The following AAK1 variants were observed in gnomAD, a reference collection of about 807,000 sequenced individuals.
AAK1 encodes AP2 associated kinase 1, also known as AP2-associated protein kinase 1.
AAK1 carries 37 observed loss-of-function variants against 116.0 expected under a neutral mutation model. The ratio of observed to expected loss-of-function variants is 0.32; its 90% CI spans 0.25 to 0.42. The LOEUF is 0.42. AAK1 is among the 10% of genes least tolerant of loss of function. The pLI is 1.00. For missense variants in AAK1, 919 were observed against 1,170.6 expected, an observed-to-expected ratio of 0.79 and a Z score of 3.14; for synonymous variants, 458 against 439.9, an observed-to-expected ratio of 1.04 and a Z score of -0.51.
chr2:69,565,345 T>C (rs1160615769), intron 2 of AAK1, among the ~76,000 whole-genome samples: 18 of 152,254 alleles, frequency 1.2e-4, no homozygotes, highest in Admixed American at 5.9e-4. Flanking sequence ...TCTTAAACCT[T>C]GTGCAGTTTA....
chr2:69,612,128 T>A (rs932183366), intron 2 of AAK1, among the ~76,000 whole-genome samples: 1 of 152,234 alleles, frequency 6.6e-6, no homozygotes, highest in African/African-American at 2.4e-5. Context: ...ACATGTACCC[T>A]AGAACTTAAA....
At chr2:69,517,821 G>A (rs1676646716) in intron 12 of AAK1, among the ~76,000 whole-genome samples, 1 of 150,604 alleles carries the variant, frequency 6.6e-6, no homozygotes, top group South Asian at 2.1e-4. Context: ...ATGGATAAAA[G>A]GGGACTTAAA....
chr2:69,549,511 G>A (rs1187862917), intron 3 of AAK1, among the ~76,000 whole-genome samples: 1 of 152,128 alleles, frequency 6.6e-6, no homozygotes, highest in Non-Finnish European at 1.5e-5. Flanking sequence ...ACATTTATAT[G>A]CTTTGCTCTG....
Position 69,603,433 on chromosome 2 carries a change from T to C in AAK1, c.163+39445A>G, listed in dbSNP as rs146894148. Among the ~76,000 whole-genome samples the C allele has an allele frequency of 7.0e-4, 107 of 152,278 alleles. 1 individual carries two copies. The highest frequency in any genetic ancestry group is 2.5e-3 in the African/African-American group (104 of 41,554). On this transcript the variant is annotated intron_variant, in intron 2 of 21. Transcript: ENST00000409085. ...AAAAGGCAATTCCTCTGTTAGCTTG[T>C]GGGCTCTCACAAAGCATACCACTGA... is the stretch of plus-strand genomic sequence containing the variant.
chr2:69,607,221 G>A (rs566041974), intron 2 of AAK1, among the ~76,000 whole-genome samples: 1 of 152,212 alleles, frequency 6.6e-6, no homozygotes, highest in African/African-American at 2.4e-5. Context: ...CTGTGAAGGA[G>A]GTGAGTGGGC....
At chr2:69,521,721 T>G (rs1057045201) in intron 10 of AAK1, among the ~76,000 whole-genome samples, 5 of 152,184 alleles carry the variant, frequency 3.3e-5, no homozygotes, top group Non-Finnish European at 7.3e-5. Flanking sequence ...TGTAAGAAGA[T>G]TATCAGGTGG....
At chr2:69,542,271 AG>A (rs1670754196) in intron 5 of AAK1, among the ~76,000 whole-genome samples, 1 of 152,250 alleles carries the variant, frequency 6.6e-6, no homozygotes, top group African/African-American at 2.4e-5. Context: ...GGAGTATATC[AG>A]GAAAAACAAA....
intron 13 of AAK1, among the ~76,000 whole-genome samples, chr2:69,510,374 C>T (rs1676347448): frequency 6.6e-6 from 1 of 152,172 alleles, no homozygotes; most frequent in Non-Finnish European, 1.5e-5. Context: ...GCAAAGCCTC[C>T]ATCCTCCTTC....
At chr2:69,623,257 ACACT>A (rs1443847936) in intron 2 of AAK1, among the ~76,000 whole-genome samples, 2 of 152,188 alleles carry the variant, frequency 1.3e-5, no homozygotes, top group Admixed American at 1.3e-4. Context: ...AAGAACTGTG[ACACT>A]CACTGCGAGG....
At chr2:69,537,689 G>A (rs575442850) in intron 5 of AAK1, among the ~76,000 whole-genome samples, 2 of 152,320 alleles carry the variant, frequency 1.3e-5, no homozygotes, top group Non-Finnish European at 2.9e-5. Context: ...ACTATGTGAT[G>A]CAACGACAGA....
At chr2:69,627,296 G>GAA (rs202013778) in intron 2 of AAK1, among the ~76,000 whole-genome samples, 3,282 of 95,066 alleles carry the variant, frequency 0.035, 134 homozygotes, top group African/African-American at 0.11. Context: ...CTCAAAAAGA[G>GAA]AAAAAAAAAA....
chr2:69,630,895 C>T (rs1675146033), intron 2 of AAK1, among the ~76,000 whole-genome samples: 1 of 152,182 alleles, frequency 6.6e-6, no homozygotes, highest in Admixed American at 6.5e-5. Context: ...TTATTTCTTC[C>T]AGTGCTGCCC....
intron 2 of AAK1, among the ~76,000 whole-genome samples, chr2:69,619,923 T>C (rs1674516727): frequency 6.6e-6 from 1 of 152,156 alleles, no homozygotes; most frequent in Non-Finnish European, 1.5e-5. Context: ...AGCATAGCAC[T>C]TTCTAGGCCA....
chr2:69,620,516 T>C (rs898386725), intron 2 of AAK1, among the ~76,000 whole-genome samples: 1 of 152,210 alleles, frequency 6.6e-6, no homozygotes, highest in Non-Finnish European at 1.5e-5. Context: ...CTCACTGTAA[T>C]CTATAATTCC....
chr2:69,589,580 A>T (rs1194905285), intron 2 of AAK1, among the ~76,000 whole-genome samples: 1 of 151,928 alleles, frequency 6.6e-6, no homozygotes, highest in Admixed American at 6.6e-5. Context: ...TTGATGGCGC[A>T]TGCCTGTAAT....
intron 2 of AAK1, among the ~76,000 whole-genome samples, chr2:69,616,532 T>C (rs1166335778): frequency 6.6e-6 from 1 of 152,172 alleles, no homozygotes; most frequent in African/African-American, 2.4e-5. Flanking sequence ...AAATCAGGGA[T>C]TCTCAACCTG....
At chr2:69,568,072 A>C (rs1454643401) in intron 2 of AAK1, among the ~76,000 whole-genome samples, 2 of 152,208 alleles carry the variant, frequency 1.3e-5, no homozygotes, top group Non-Finnish European at 2.9e-5. Flanking sequence ...AGGGAGCAGC[A>C]TCGGTGCTCA....
intron 19 of AAK1, among the ~76,000 whole-genome samples, chr2:69,479,610 A>C (rs1234422270): frequency 6.6e-6 from 1 of 152,184 alleles, no homozygotes; most frequent in African/African-American, 2.4e-5. Flanking sequence ...CCTCTGGCTT[A>C]TTATTAGCAG....
chr2:69,575,911 C>T (rs1317065043), intron 2 of AAK1, among the ~76,000 whole-genome samples: 2 of 152,054 alleles, frequency 1.3e-5, no homozygotes, highest in Non-Finnish European at 1.5e-5. Flanking sequence ...TCATGGAAGA[C>T]TTTTTGCATT....
Sources: gnomAD v4.1 joint callset for allele counts (sites outside exome capture counted in the v4.1 genomes callset) on GRCh38, gnomAD v4.1.1 for gene constraint, MANE v1.5 for transcripts, NCBI Gene and HGNC (gene_info 2026-07-23, HGNC 2026-07-21) for gene names.